MYO5C: variants seen among roughly 807,000 people sequenced by gnomAD.
The protein encoded by MYO5C is unconventional myosin-Vc.
A neutral mutation model predicts 235.7 loss-of-function variants in MYO5C; 194 were observed. The observed-to-expected ratio is 0.82, with a 90% CI of 0.73 to 0.93. The LOEUF (loss-of-function observed/expected upper bound fraction) is 0.93. Among genes scored for constraint, MYO5C ranks in the 40% least tolerant of loss-of-function variants. The probability of loss-of-function intolerance (pLI) is 0.00; values close to 1 mark genes in which losing one functional copy is unlikely to be tolerated. For missense variants in MYO5C, 2,038 were observed against 2,127.2 expected (o/e 0.96, Z 0.82); for synonymous variants, 707 against 754.8 (o/e 0.94, Z 1.04).
At chr15:52,205,490 A>T in intron 37 of MYO5C, 1 of 329,982 alleles carries the variant, frequency 3.0e-6, no homozygotes, top group Middle Eastern at 8.6e-4. Flanking sequence ...AGTATACAAG[A>T]ATTCGAATGG....
At chr15:52,254,316 G>T (rs374894771) in intron 11 of MYO5C, among the ~76,000 whole-genome samples, 1 of 152,166 alleles carries the variant, frequency 6.6e-6, no homozygotes, top group Non-Finnish European at 1.5e-5. Context: ...GACTCAGCCC[G>T]ATGCTCTTGA....
Position 52,214,740 on chromosome 15 carries a change from A to ATTT in MYO5C, c.3955-53_3955-51dup, listed in dbSNP as rs34638854. The ATTT allele has an allele frequency of 6.5e-3, 6,322 of 980,040 alleles. 1 individual carries two copies. The highest frequency in any genetic ancestry group is 0.013 in the East Asian group (446 of 33,230). 60.7% of individuals were successfully genotyped at this position (980,040 alleles called of 1,614,324 possible). A position where few individuals can be genotyped will look rare whatever the true frequency, so the allele number is the denominator to read the frequency against. On this transcript the variant is annotated intron_variant, in intron 32 of 40. Coordinates refer to ENST00000261839, the MANE Select transcript of MYO5C (RefSeq NM_018728.4). The stretch of plus-strand genomic sequence containing the variant: ...ATTTAGCTTAGAAGCACTTTAATCT[A>ATTT]TTTTTTTTTTTTTTGGGTAACAGCT...
At chr15:52,241,754 G>GAC (rs1388856725) in intron 20 of MYO5C, among the ~76,000 whole-genome samples, 1 of 151,316 alleles carries the variant, frequency 6.6e-6, no homozygotes, top group Non-Finnish European at 1.5e-5. Context: ...GTGTGTGTGA[G>GAC]AGAGAGAGAC....
intron 38 of MYO5C, among the ~76,000 whole-genome samples, chr15:52,201,792 G>A (rs1454313517): frequency 6.6e-6 from 1 of 151,912 alleles, no homozygotes; most frequent in Non-Finnish European, 1.5e-5. Context: ...GGGCCTACAT[G>A]ATGGTAAGAT....
chr15:52,205,061 C>T lies in MYO5C; in HGVS notation c.4624G>A (p.Asp1542Asn), dbSNP rs780025953. 6.8e-6 allele frequency: 11 copies of T among 1,614,044 alleles called. No individual in the cohort carries two copies. The African/African-American group carries it at 8.0e-5, about 12-fold the overall frequency. The change falls in exon 38 of 41, where the codon GAC (aspartate) becomes AAC (asparagine). Residue 1542 changes from aspartate (D) to asparagine (N), a missense_variant. Asp to Asn is a conservative substitution (Grantham distance 23). Transcript: ENST00000261839. ...GFRKRSSSID[D>N]TDGYTMTSVL... ...GAGGTCATGGTGTAGCCGTCCGTGT[C>T]GTCTATGCTAGAGGAGCGCTTCCGG...
intron 20 of MYO5C, among the ~76,000 whole-genome samples, chr15:52,241,758 G>C (rs2036229125): frequency 6.6e-6 from 1 of 151,304 alleles, no homozygotes; most frequent in African/African-American, 2.4e-5. Flanking sequence ...GTGTGAGAGA[G>C]AGAGACAGGG....
At chr15:52,222,635 G>GGACA (rs140635777) in intron 29 of MYO5C, among the ~76,000 whole-genome samples, 2 of 151,784 alleles carry the variant, frequency 1.3e-5, no homozygotes, top group African/African-American at 4.8e-5. Context: ...GGGGTGGTGG[G>GGACA]CAGTGAATGG....
At chr15:52,195,527 G>T in intron 39 of MYO5C, 70 bp from the exon 40 acceptor site, 1 of 1,091,318 alleles carries the variant, frequency 9.2e-7, no homozygotes, top group Non-Finnish European at 1.3e-6. Flanking sequence ...TAATGGTTCT[G>T]GTTATTGGGA....
intron 10 of MYO5C, among the ~76,000 whole-genome samples, chr15:52,259,005 C>A (rs550423820): frequency 2.1e-4 from 32 of 152,308 alleles, no homozygotes; most frequent in African/African-American, 7.7e-4. Flanking sequence ...TCATCCTAAC[C>A]TCTACTGCCG....
Position 52,213,258 on chromosome 15 carries a change from G to T in MYO5C, c.4071C>A (p.Pro1357=), listed in dbSNP as rs775523976. ...ATTGCAGCATTCCAAGGTACTCCTT[G>T]GGTCCTGAGGACGAGTGCACATCAT... ...KANDVHSSSG[P]KEYLGMLQYK... Residue 1357 remains proline, a synonymous_variant, in exon 34 of 41, where the codon CCC becomes CCA. Coordinates refer to ENST00000261839, the MANE Select transcript of MYO5C (RefSeq NM_018728.4). 4.3e-6 allele frequency: 7 copies of T among 1,613,806 alleles called. No homozygotes were observed. Among genetic ancestry groups the T allele is most frequent in the Non-Finnish European group, 5.9e-6 (7 of 1,179,906 alleles).
intron 11 of MYO5C, among the ~76,000 whole-genome samples, chr15:52,255,052 T>A (rs2036552423): frequency 6.6e-6 from 1 of 152,158 alleles, no homozygotes. Flanking sequence ...GATTCAATGT[T>A]AGGTCTTCTC....
chr15:52,208,503 G>A (rs749602900), intron 36 of MYO5C, 51 bp downstream of exon 36: 2 of 1,551,294 alleles, frequency 1.3e-6, no homozygotes, highest in South Asian at 1.1e-5. Flanking sequence ...TCAGGAGGAG[G>A]TTATAGACTG....
At position 52,282,912 on chromosome 15, in the gene MYO5C, A is replaced by G. The variant is rs905876210; in HGVS notation, c.28-20T>C. The G allele has an allele frequency of 2.6e-6, 4 of 1,539,846 alleles. No individual in the cohort carries two copies. The highest frequency in any genetic ancestry group is 2.7e-5 in the African/African-American group (2 of 73,472). ...GTTGTACTGACCAACAGGATGAGAA[A>G]AGCTGAATTTCAGGACTTCCAAAAT... On this transcript the variant is annotated intron_variant, in intron 1 of 40. Transcript: ENST00000261839.
chr15:52,219,432 A>G (rs1433856871), intron 31 of MYO5C, among the ~76,000 whole-genome samples: 5 of 152,212 alleles, frequency 3.3e-5, no homozygotes, highest in Admixed American at 6.5e-5. Context: ...AGTGCATGGT[A>G]TAGCATTTCA....
chr15:52,269,010 A>AGG, intron 8 of MYO5C, among the ~76,000 whole-genome samples: 1 of 152,360 alleles, frequency 6.6e-6, no homozygotes, highest in East Asian at 1.9e-4. Flanking sequence ...ACACAGAGTT[A>AGG]TAAAGTGCTT....
intron 1 of MYO5C, among the ~76,000 whole-genome samples, chr15:52,294,393 C>T (rs952173526): frequency 3.3e-5 from 5 of 152,210 alleles, no homozygotes; most frequent in Admixed American, 3.3e-4. Flanking sequence ...CAAACACTGT[C>T]CATTTAGAAC....
At chr15:52,256,603 C>CGCGCGCGGG in intron 11 of MYO5C, 36 bp downstream of exon 11, 2 of 650,534 alleles carry the variant, frequency 3.1e-6, no homozygotes, top group Non-Finnish European at 4.8e-6. Flanking sequence ...GCGCGCGCGG[C>CGCGCGCGGG]TGAGAACTAG....
At chr15:52,246,069 T>C in intron 16 of MYO5C, 27 bp from the exon 17 acceptor site, 2 of 1,594,614 alleles carry the variant, frequency 1.3e-6, no homozygotes, top group Non-Finnish European at 1.7e-6. Context: ...ATATTATGTG[T>C]TGAGGCATCG....
intron 1 of MYO5C, among the ~76,000 whole-genome samples, chr15:52,285,096 A>C (rs1035688252): frequency 3.9e-5 from 6 of 152,298 alleles, no homozygotes; most frequent in African/African-American, 1.4e-4. Context: ...GGCTGGGCAC[A>C]GTGGCTCACA....
Sources: gnomAD v4.1 joint callset for allele counts (sites outside exome capture counted in the v4.1 genomes callset) on GRCh38, gnomAD v4.1.1 for gene constraint, MANE v1.5 for transcripts, NCBI Gene and HGNC (gene_info 2026-07-23, HGNC 2026-07-21) for gene names.